TDRD12: variants seen among roughly 807,000 people sequenced by gnomAD.
TDRD12 encodes the protein tudor domain containing 12.
In TDRD12, 158 loss-of-function variants were observed where a neutral mutation model predicts 133.5. The observed-to-expected ratio is 1.18, with a 90% CI of 1.04 to 1.35. The LOEUF is 1.35. Ranked by LOEUF, TDRD12 falls within the 40% of genes most tolerant of loss-of-function variation. The pLI, the probability that TDRD12 is intolerant of heterozygous loss-of-function variation, is 0.00. For missense variants in TDRD12, 1,443 were observed against 1,321.3 expected, an observed-to-expected ratio of 1.09 and a Z score of -1.43; for synonymous variants, 460 against 477.9, an observed-to-expected ratio of 0.96 and a Z score of 0.49.
chr19:32,799,133 G>A (rs1317745139), intron 16 of TDRD12, among the ~76,000 whole-genome samples: 1 of 152,152 alleles, frequency 6.6e-6, no homozygotes, highest in African/African-American at 2.4e-5. Context: ...CTCTTGTAAG[G>A]CTTTTCTTGG....
intron 14 of TDRD12, among the ~76,000 whole-genome samples, chr19:32,795,409 C>T (rs891522011): frequency 1.3e-5 from 2 of 151,586 alleles, no homozygotes; most frequent in African/African-American, 4.8e-5. Flanking sequence ...AGACCTGAGT[C>T]TATCTATCCA....
At chr19:32,813,945 G>T (rs910117810) in intron 25 of TDRD12, among the ~76,000 whole-genome samples, 169 bp downstream of exon 25, 1 of 152,168 alleles carries the variant, frequency 6.6e-6, no homozygotes, top group Non-Finnish European at 1.5e-5. Flanking sequence ...ATTGGGTTGT[G>T]GGTTTAGTTT....
At chr19:32,826,035 T>G (rs1031716364), downstream of TDRD12, 3 of 1,228,306 alleles carry the variant, frequency 2.4e-6, no homozygotes, top group Middle Eastern at 1.8e-4. Context: ...TATATATATG[T>G]GTGTACATGA....
chr19:32,724,100 A>G (rs754990154), intron 1 of TDRD12, among the ~76,000 whole-genome samples: 3 of 152,136 alleles, frequency 2.0e-5, no homozygotes, highest in South Asian at 2.1e-4. Flanking sequence ...GGCTCAAGCA[A>G]TCGTCCCACC....
intron 3 of TDRD12, among the ~76,000 whole-genome samples, chr19:32,739,476 C>T (rs901577318): frequency 2.8e-5 from 4 of 143,502 alleles, no homozygotes; most frequent in Non-Finnish European, 6.0e-5. Context: ...TGGGGTTCTT[C>T]CTGCATCTCC....
intron 11 of TDRD12, among the ~76,000 whole-genome samples, chr19:32,780,927 C>T (rs2145630137): frequency 6.8e-6 from 1 of 147,092 alleles, no homozygotes; most frequent in East Asian, 2.1e-4. Flanking sequence ...GCTCACTTCC[C>T]TAAGTTTTTA....
At chr19:32,798,648 C>G (rs569109072) in intron 16 of TDRD12, among the ~76,000 whole-genome samples, 2 of 152,192 alleles carry the variant, frequency 1.3e-5, no homozygotes, top group South Asian at 4.2e-4. Flanking sequence ...ACATTCTTTC[C>G]TAGAGATTTC....
chr19:32,798,318 T>G (rs1443062947), exon 16 of TDRD12: 1 of 1,530,966 alleles, frequency 6.5e-7, no homozygotes, highest in Non-Finnish European at 8.7e-7. Context: ...GTGATGTGAT[T>G]GTTACGACCC....
In TDRD12 at chr19:32,737,938, T is replaced by A. The variant is rs549297130; in HGVS notation, c.184-918T>A. 7.9e-5 allele frequency among the ~76,000 whole-genome samples: 12 copies of A among 152,092 alleles called. No homozygotes were observed. The South Asian group carries it at 2.5e-3, about 32-fold the overall frequency. The stretch of plus-strand genomic sequence containing the variant: ...ACCTGAGGTCAGGAGTTCGAGGCCA[T>A]CCTGACCAATATGATGAAATCCTGT... On this transcript the variant is annotated intron_variant, in intron 2 of 27. Coordinates refer to ENST00000444215, the Ensembl canonical transcript of TDRD12.
rs528790367 is a variant in TDRD12, at chr19:32,790,793, G to C, written c.1183-171G>C. The C allele has an allele frequency of 1.9e-4, 276 of 1,476,598 alleles. 1 individual carries two copies. The Middle Eastern group carries it at 1.9e-3, about 10-fold the overall frequency. 91.5% of individuals were successfully genotyped at this position (1,476,598 alleles called of 1,614,324 possible). A position where few individuals can be genotyped will look rare whatever the true frequency, so the allele number is the denominator to read the frequency against. On this transcript the variant is annotated intron_variant, in intron 12 of 27. Transcript: ENST00000444215. ...GTTCCTTGTTTTTTGGATAATAAAC[G>C]ATCTTCCTTTTGGTAGTTTGGTGGT...
intron 14 of TDRD12, among the ~76,000 whole-genome samples, chr19:32,795,255 C>A (rs1971190181): frequency 6.6e-6 from 1 of 150,484 alleles, no homozygotes; most frequent in South Asian, 2.1e-4. Context: ...ATCACTTGAA[C>A]CTGGGAGGCG....
chr19:32,757,680 A>G (rs1250207686), intron 8 of TDRD12, among the ~76,000 whole-genome samples: 2 of 152,222 alleles, frequency 1.3e-5, no homozygotes, highest in East Asian at 3.9e-4. Flanking sequence ...GTTCTTGGAA[A>G]CTGACTTTAA....
intron 6 of TDRD12, among the ~76,000 whole-genome samples, chr19:32,754,537 T>G (rs980212174): frequency 3.9e-5 from 6 of 151,950 alleles, no homozygotes; most frequent in Admixed American, 1.3e-4. Context: ...ACCTGAGAGA[T>G]CTATCCTGTA....
rs567592103 is a variant in TDRD12, at chr19:32,754,359, C to G, written c.583-1633C>G. On this transcript the variant is annotated intron_variant, in intron 6 of 27. Transcript: ENST00000444215. Reference sequence around the variant, plus strand: ...TGGCTTGCACCTGTAGTCCTAGCTACTTGGGAGGCTGAGGTGGGAGGATCA... The same window carrying G: ...TGGCTTGCACCTGTAGTCCTAGCTAGTTGGGAGGCTGAGGTGGGAGGATCA... Among the ~76,000 whole-genome samples the G allele has an allele frequency of 8.5e-5, 13 of 152,144 alleles. 1 individual carries two copies. In the South Asian group the frequency reaches 2.5e-3, roughly 29 times the overall value.
intron 24 of TDRD12, 61 bp from the exon 25 acceptor site, chr19:32,813,623 T>C (rs1663140539): frequency 2.1e-6 from 2 of 954,166 alleles, no homozygotes; most frequent in Non-Finnish European, 3.2e-6. Context: ...CTGTATGGCA[T>C]ATACAAAATA....
intron 3 of TDRD12, among the ~76,000 whole-genome samples, chr19:32,740,969 T>C (rs1364102012): frequency 6.6e-6 from 1 of 152,214 alleles, no homozygotes; most frequent in Non-Finnish European, 1.5e-5. Context: ...GACTTTTCCA[T>C]AGTTTCCCGT....
intron 10 of TDRD12, among the ~76,000 whole-genome samples, chr19:32,775,708 T>C (rs1367521664): frequency 1.3e-5 from 2 of 152,124 alleles, no homozygotes; most frequent in East Asian, 3.9e-4. Flanking sequence ...AACTTGTGTG[T>C]TTCCACTTGG....
chr19:32,720,185 C>T, intron 1 of TDRD12, 89 bp downstream of exon 1: 1 of 1,444,210 alleles, frequency 6.9e-7, no homozygotes, highest in South Asian at 1.2e-5. Flanking sequence ...CCCACCCCAG[C>T]TCCGCACAGC....
intron 13 of TDRD12, among the ~76,000 whole-genome samples, chr19:32,793,817 G>A (rs564347068): frequency 9.3e-5 from 10 of 107,460 alleles, no homozygotes; most frequent in African/African-American, 2.3e-4. Context: ...TTTTTGAGTC[G>A]GAGTTTTGCT....
Sources: gnomAD v4.1 joint callset for allele counts (sites outside exome capture counted in the v4.1 genomes callset) on GRCh38, gnomAD v4.1.1 for gene constraint, MANE v1.5 for transcripts, NCBI Gene and HGNC (gene_info 2026-07-23, HGNC 2026-07-21) for gene names.